The following DACH2 variants were observed in gnomAD, a reference collection of about 807,000 sequenced individuals.
The protein encoded by DACH2 is dachshund homolog 2.
In DACH2, 17 loss-of-function variants were observed where a neutral mutation model predicts 35.8. The ratio of observed to expected loss-of-function variants is 0.48; its 90% CI spans 0.33 to 0.71. DACH2 has a LOEUF of 0.71. DACH2 is among the 30% of genes least tolerant of loss of function. The pLI is 0.02. For missense variants in DACH2, 469 were observed against 472.7 expected, an observed-to-expected ratio of 0.99 and a Z score of 0.07; for synonymous variants, 195 against 177.3, an observed-to-expected ratio of 1.10 and a Z score of -0.79.
intron 2 of DACH2, among the ~76,000 whole-genome samples, chrX:86,502,863 A>T (rs938697679): frequency 1.3e-4 from 14 of 110,911 alleles, no homozygotes; most frequent in African/African-American, 4.6e-4. Flanking sequence ...ACATTGTGAG[A>T]TTTTTTTTTC....
chrX:86,364,646 A>G (rs1174733387), intron 1 of DACH2, among the ~76,000 whole-genome samples: 1 of 111,724 alleles, frequency 9.0e-6, no homozygotes, highest in East Asian at 2.8e-4. Context: ...GTATTCAATC[A>G]TCTCCATTAG....
At chrX:86,822,610 G>A (rs917734204) in intron 11 of DACH2, among the ~76,000 whole-genome samples, 1 of 111,741 alleles carries the variant, frequency 8.9e-6, no homozygotes, top group African/African-American at 3.3e-5. Flanking sequence ...ATCTCACATA[G>A]TTAGCTAGTT....
intron 1 of DACH2, among the ~76,000 whole-genome samples, chrX:86,232,072 A>G (rs1440682914): frequency 8.9e-6 from 1 of 111,961 alleles, no homozygotes; most frequent in Non-Finnish European, 1.9e-5. Context: ...TCTTGAGGGT[A>G]GGCCTAGATG....
chrX:86,304,832 T>A (rs1459159172), intron 1 of DACH2: 1 of 146,422 alleles, frequency 6.8e-6, no homozygotes, highest in Non-Finnish European at 1.5e-5. Context: ...AGAAGACCAA[T>A]GGTAGCAGCA....
intron 4 of DACH2, among the ~76,000 whole-genome samples, chrX:86,666,719 T>A (rs2040673609): frequency 1.8e-5 from 2 of 111,642 alleles, no homozygotes; most frequent in Non-Finnish European, 3.8e-5. Flanking sequence ...AATGAGTTAT[T>A]GCTGTCACTC....
chrX:86,388,803 A>T (rs761996410), intron 2 of DACH2, among the ~76,000 whole-genome samples: 17 of 111,621 alleles, frequency 1.5e-4, no homozygotes, highest in Non-Finnish European at 3.2e-4. Context: ...TAGTTAAAAA[A>T]ACTCTGTATG....
chrX:86,170,927 G>A (rs2031106062), intron 1 of DACH2, among the ~76,000 whole-genome samples: 1 of 111,829 alleles, frequency 8.9e-6, no homozygotes, highest in South Asian at 3.8e-4. Flanking sequence ...ACAACTTGAA[G>A]TAGGGAGGGG....
intron 1 of DACH2, among the ~76,000 whole-genome samples, chrX:86,195,057 C>A (rs905386875): frequency 8.9e-6 from 1 of 112,953 alleles, no homozygotes; most frequent in Non-Finnish European, 1.9e-5. Context: ...ACCAGTCCTC[C>A]TGCTCCTTCC....
Position 86,580,425 on chromosome X carries a change from A to G in DACH2, c.640+66034A>G, listed in dbSNP as rs369757966. Among the ~76,000 whole-genome samples, 25 of 111,733 alleles carry G rather than the reference A, an allele frequency of 2.2e-4. No homozygotes were observed. In the East Asian group the frequency reaches 2.6e-3, roughly 11 times the overall value. ...GACAGAAATAGAATTCAGAATATGG[A>G]CACAAATGAAGATTATTGAGATTCA... On this transcript the variant is annotated intron_variant, in intron 3 of 11. Transcript: ENST00000373125.
chrX:86,331,392 C>A (rs1339885798), intron 1 of DACH2, among the ~76,000 whole-genome samples: 12 of 110,822 alleles, frequency 1.1e-4, no homozygotes, highest in Middle Eastern at 4.7e-3. Flanking sequence ...GGGCTCATTT[C>A]TGAAATTTTG....
At chrX:86,645,767 G>A (rs1163424910) in intron 3 of DACH2, among the ~76,000 whole-genome samples, 2 of 110,936 alleles carry the variant, frequency 1.8e-5, no homozygotes, top group Non-Finnish European at 3.8e-5. Flanking sequence ...GGATGAAACT[G>A]GAGGCTATCA....
intron 5 of DACH2, among the ~76,000 whole-genome samples, chrX:86,710,129 G>A (rs2041262176): frequency 8.9e-6 from 1 of 112,091 alleles, no homozygotes; most frequent in African/African-American, 3.2e-5. Flanking sequence ...TCCTTTAATA[G>A]ATGAATGCAT....
At chrX:86,526,853 T>TA (rs1307942549) in intron 3 of DACH2, among the ~76,000 whole-genome samples, 13 of 107,364 alleles carry the variant, frequency 1.2e-4, no homozygotes, top group African/African-American at 1.7e-4. Context: ...TTAATTTATT[T>TA]TTTTTTCTGA....
chrX:86,480,087 A>G (rs945103322), intron 2 of DACH2, among the ~76,000 whole-genome samples: 1 of 111,891 alleles, frequency 8.9e-6, no homozygotes, highest in African/African-American at 3.3e-5. Context: ...TGTGGTCTTC[A>G]TAGTCTGGGC....
At chrX:86,324,508 A>G (rs755191391) in intron 1 of DACH2, among the ~76,000 whole-genome samples, 112 of 110,220 alleles carry the variant, frequency 1.0e-3, no homozygotes, top group Non-Finnish European at 1.6e-3. Flanking sequence ...ATCAAACAGC[A>G]TCACATACTA....
At chrX:86,797,115 T>G (rs1204672238) in intron 7 of DACH2, among the ~76,000 whole-genome samples, 1 of 110,687 alleles carries the variant, frequency 9.0e-6, no homozygotes, top group Non-Finnish European at 1.9e-5. Context: ...ACAGAAATCT[T>G]TGGAAAATGA....
At chrX:86,816,940 C>T (rs1036537339) in intron 11 of DACH2, among the ~76,000 whole-genome samples, 19 of 111,952 alleles carry the variant, frequency 1.7e-4, no homozygotes, top group African/African-American at 5.8e-4. Flanking sequence ...ATATGTTGCT[C>T]GCTGGAATTA....
intron 1 of DACH2, among the ~76,000 whole-genome samples, chrX:86,268,543 T>TATTTTA (rs1556007497): frequency 2.2e-5 from 2 of 90,023 alleles, no homozygotes; most frequent in African/African-American, 9.5e-5. Flanking sequence ...TATTTTATTT[T>TATTTTA]ATTTTATTTG....
At chrX:86,799,650 T>G (rs990320740) in intron 7 of DACH2, among the ~76,000 whole-genome samples, 1 of 112,393 alleles carries the variant, frequency 8.9e-6, no homozygotes, top group African/African-American at 3.2e-5. Flanking sequence ...ATTACAAGTT[T>G]ATTCTTTTGT....
Sources: gnomAD v4.1 joint callset for allele counts (sites outside exome capture counted in the v4.1 genomes callset) on GRCh38, gnomAD v4.1.1 for gene constraint, MANE v1.5 for transcripts, NCBI Gene and HGNC (gene_info 2026-07-23, HGNC 2026-07-21) for gene names.